The following SLC35A3 variants were observed in gnomAD, a reference collection of about 807,000 sequenced individuals.
SLC35A3 encodes solute carrier family 35 member A3.
A neutral mutation model predicts 39.0 loss-of-function variants in SLC35A3; 26 were observed. The observed-to-expected ratio is 0.67, with a 90% confidence interval of 0.49 to 0.92. The LOEUF is 0.92. Among genes scored for constraint, SLC35A3 ranks in the 40% least tolerant of loss-of-function variants. The pLI is 0.00. For synonymous variants in SLC35A3, 135 were observed against 133.1 expected, an observed-to-expected ratio of 1.01 and a Z score of -0.10; for missense variants, 299 against 371.6, an observed-to-expected ratio of 0.80 and a Z score of 1.61.
At chr1:100,020,492 C>T (rs1158092828) in intron 7 of SLC35A3, among the ~76,000 whole-genome samples, 1 of 152,168 alleles carries the variant, frequency 6.6e-6, no homozygotes, top group Non-Finnish European at 1.5e-5. Context: ...CTTCAAGATA[C>T]ATTACAGGAT....
At chr1:100,007,319 T>C (rs751482113) in intron 4 of SLC35A3, 163 bp downstream of exon 4, 4 of 588,796 alleles carry the variant, frequency 6.8e-6, no homozygotes, top group Admixed American at 3.4e-5. Context: ...ACATACTACA[T>C]TGGGAGTGTA....
intron 1 of SLC35A3, among the ~76,000 whole-genome samples, chr1:99,981,246 T>C (rs1401156592): frequency 2.0e-5 from 3 of 152,234 alleles, no homozygotes; most frequent in Non-Finnish European, 4.4e-5. Context: ...CATATTTGCA[T>C]AGCACTTTGT....
At chr1:99,978,061 GA>G (rs1219665323) in intron 1 of SLC35A3, among the ~76,000 whole-genome samples, 1 of 152,178 alleles carries the variant, frequency 6.6e-6, no homozygotes, top group African/African-American at 2.4e-5. Context: ...TAGGGACAGA[GA>G]GACTAAAATT....
chr1:100,007,849 AC>A (rs1659352600), intron 4 of SLC35A3: 1 of 151,532 alleles, frequency 6.6e-6, no homozygotes, highest in Admixed American at 6.6e-5. Flanking sequence ...CCTCAGTGAT[AC>A]TTGTTCTGAT....
At chr1:99,981,605 C>G (rs981772011) in intron 1 of SLC35A3, among the ~76,000 whole-genome samples, 1 of 151,850 alleles carries the variant, frequency 6.6e-6, no homozygotes, top group African/African-American at 2.4e-5. Context: ...CTCAGCCTCC[C>G]GAGTAGCTGG....
At chr1:99,982,479 G>A (rs1018408313) in intron 1 of SLC35A3, among the ~76,000 whole-genome samples, 1 of 152,006 alleles carries the variant, frequency 6.6e-6, no homozygotes, top group Non-Finnish European at 1.5e-5. Context: ...ATTATATAAT[G>A]TATATTTTTT....
At chr1:99,972,568 C>T (rs540830818) in intron 1 of SLC35A3, among the ~76,000 whole-genome samples, 45 of 152,052 alleles carry the variant, frequency 3.0e-4, no homozygotes, top group African/African-American at 1.0e-3. Context: ...AACTCCTGGC[C>T]TCAAGTGATC....
At chr1:100,000,693 ATCT>A (rs1304788129) in intron 3 of SLC35A3, 2 of 152,130 alleles carry the variant, frequency 1.3e-5, no homozygotes, top group Non-Finnish European at 2.9e-5. Flanking sequence ...GGCCATGCTA[ATCT>A]TCTCTGTGTA....
At position 100,035,235 on chromosome 1, in the gene SLC35A3, G is replaced by C. The variant is rs2101568748; in HGVS notation, c.*12759G>C. ...ACTTAATACAATGTAATGCTGTGTA[G>C]TCATACTGTATTTTTTACTTGTATT... On this transcript the variant is annotated 3_prime_UTR_variant, in exon 8 of 8. Transcript: ENST00000533028. 1 of 152,286 alleles carries C rather than the reference G, an allele frequency of 6.6e-6. No individual in the cohort carries two copies. Among genetic ancestry groups the C allele is most frequent in the Middle Eastern group, 3.4e-3 (1 of 294 alleles). The allele number at this position is 152,286 out of a possible 1,614,324, so 9.4% of individuals were successfully genotyped here.
intron 7 of SLC35A3, among the ~76,000 whole-genome samples, chr1:100,020,464 A>G (rs1028120813): frequency 6.6e-5 from 10 of 152,226 alleles, no homozygotes; most frequent in Non-Finnish European, 1.5e-4. Flanking sequence ...ATAATTACCA[A>G]TATTAATGTA....
chr1:99,993,442 C>T (rs1658203068), intron 1 of SLC35A3, 95 bp from the exon 2 acceptor site: 2 of 949,470 alleles, frequency 2.1e-6, no homozygotes. Flanking sequence ...GAGAGACCTG[C>T]AGGCCCTCTC....
At chr1:100,018,714 G>T (rs1660333649) in intron 7 of SLC35A3, among the ~76,000 whole-genome samples, 1 of 151,926 alleles carries the variant, frequency 6.6e-6, no homozygotes, top group Non-Finnish European at 1.5e-5. Flanking sequence ...TCCTTACCTC[G>T]AGCAATCTTC....
intron 1 of SLC35A3, among the ~76,000 whole-genome samples, chr1:99,982,743 C>G (rs957236794): frequency 6.6e-6 from 1 of 152,108 alleles, no homozygotes; most frequent in Non-Finnish European, 1.5e-5. Flanking sequence ...ATCATCCAAA[C>G]TCATTAAATC....
At chr1:99,975,824 C>T (rs888022330) in intron 1 of SLC35A3, among the ~76,000 whole-genome samples, 12 of 152,018 alleles carry the variant, frequency 7.9e-5, no homozygotes, top group Admixed American at 5.2e-4. Context: ...TTTTGGGAGG[C>T]CTAGGTGAGA....
chr1:99,980,160 T>TA (rs1657374892), intron 1 of SLC35A3, among the ~76,000 whole-genome samples: 1 of 149,752 alleles, frequency 6.7e-6, no homozygotes, highest in Non-Finnish European at 1.5e-5. Flanking sequence ...ATAACTGTAT[T>TA]TTTTTTTTAC....
At chr1:100,005,365 A>G (rs970316137) in intron 3 of SLC35A3, among the ~76,000 whole-genome samples, 7 of 152,290 alleles carry the variant, frequency 4.6e-5, no homozygotes, top group African/African-American at 1.7e-4. Context: ...ATATGGTTCT[A>G]TTGATTGTTG....
intron 3 of SLC35A3, among the ~76,000 whole-genome samples, chr1:100,005,041 G>A (rs898435253): frequency 6.6e-6 from 1 of 152,228 alleles, no homozygotes. Flanking sequence ...ACAGGCATGA[G>A]CCTCCACGCC....
chr1:99,981,177 A>G (rs1657427642), intron 1 of SLC35A3, among the ~76,000 whole-genome samples: 1 of 152,182 alleles, frequency 6.6e-6, no homozygotes, highest in African/African-American at 2.4e-5. Context: ...TTATTTGGAA[A>G]AACCTTAAAA....
chr1:99,988,102 A>C (rs938213037), intron 1 of SLC35A3, among the ~76,000 whole-genome samples: 4 of 152,220 alleles, frequency 2.6e-5, no homozygotes, highest in African/African-American at 7.2e-5. Flanking sequence ...AATTCTGATA[A>C]ATAAATTCAA....
Sources: allele counts gnomAD v4.1 joint callset (sites outside exome capture counted in the v4.1 genomes callset), GRCh38; gene constraint gnomAD v4.1.1; transcripts MANE v1.5; gene names NCBI Gene and HGNC (gene_info 2026-07-23, HGNC 2026-07-21).